DDR2: variants seen among roughly 807,000 people sequenced by gnomAD.
DDR2 encodes discoidin domain receptor tyrosine kinase 2, also known as discoidin domain-containing receptor 2.
DDR2 carries 27 observed loss-of-function variants against 94.9 expected under a neutral mutation model. The ratio of observed to expected loss-of-function variants is 0.28; its 90% confidence interval spans 0.21 to 0.39. DDR2 has a LOEUF of 0.39. DDR2 is among the 10% of genes least tolerant of loss of function. DDR2 has a pLI of 1.00. For missense variants in DDR2, 783 were observed against 1,076.0 expected (o/e 0.73, Z 3.81); for synonymous variants, 382 against 377.2 (o/e 1.01, Z -0.15).
intron 1 of DDR2, among the ~76,000 whole-genome samples, chr1:162,645,144 G>C (rs771192805): frequency 2.0e-4 from 31 of 152,200 alleles, no homozygotes; most frequent in Admixed American, 4.6e-4. Context: ...ACTCATGCCT[G>C]GTGAACAGGC....
chr1:162,770,361 T>C lies in DDR2; in HGVS notation c.1353T>C (p.Ser451=), dbSNP rs759110059. The change falls in exon 12 of 18, where the codon TCT becomes TCC. Residue 451 remains serine, a synonymous_variant. Transcript: ENST00000367921. ...TCAGCCTTTCCCTGCCAAGTGATTC[T>C]AGCATGTTCAACAATAACCGCTCCT... ...MTVSLSLPSD[S]SMFNNNRSSS... 6.2e-7 allele frequency: 1 copy of C among 1,614,018 alleles called. No individual in the cohort carries two copies. The highest frequency in any genetic ancestry group is 1.1e-5 in the South Asian group (1 of 91,078).
rs540292700 is a variant in DDR2 at position 162,741,636 on chromosome 1, T to C, written c.83-11459T>C. The C allele has an allele frequency of 1.5e-5, 15 of 985,374 alleles. No individual in the cohort carries two copies. The East Asian group carries it at 5.7e-4, about 37-fold the overall frequency. The allele number at this position is 985,374 out of a possible 1,614,324, so 61.0% of individuals were successfully genotyped here. On this transcript the variant is annotated intron_variant, in intron 3 of 17. Transcript: ENST00000367921. ...GGACTACAGTCAAAAGATCCAGGAATGCCTGCCTTGGACAGCTAGATCTTC... is the reference window on the plus strand; with the variant it reads ...GGACTACAGTCAAAAGATCCAGGAACGCCTGCCTTGGACAGCTAGATCTTC...
intron 3 of DDR2, among the ~76,000 whole-genome samples, chr1:162,746,506 C>G (rs1038826169): frequency 6.6e-6 from 1 of 152,214 alleles, no homozygotes; most frequent in African/African-American, 2.4e-5. Context: ...ACAGCTCAAC[C>G]AGGCCTGCCT....
intron 2 of DDR2, among the ~76,000 whole-genome samples, chr1:162,667,930 G>T (rs569112271): frequency 1.3e-5 from 2 of 152,152 alleles, no homozygotes; most frequent in African/African-American, 4.8e-5. Context: ...TGGAGACCAA[G>T]AATTATTACT....
At chr1:162,696,661 G>T (rs557002063) in intron 2 of DDR2, among the ~76,000 whole-genome samples, 1 of 152,014 alleles carries the variant, frequency 6.6e-6, no homozygotes, top group South Asian at 2.1e-4. Context: ...AGCCCCAAAT[G>T]CAACTGACAG....
At chr1:162,726,185 C>T (rs1238395627) in intron 3 of DDR2, among the ~76,000 whole-genome samples, 1 of 152,198 alleles carries the variant, frequency 6.6e-6, no homozygotes, top group Non-Finnish European at 1.5e-5. Flanking sequence ...GAACTTCTGT[C>T]CTCTTCCTCA....
rs1483865995 is a variant in DDR2, at chr1:162,770,290, C to A, written c.1294-12C>A. On this transcript the variant is annotated splice_polypyrimidine_tract_variant and intron_variant, in intron 11 of 17. Coordinates refer to ENST00000367921, the MANE Select transcript of DDR2 (RefSeq NM_006182.4). Reference sequence around the variant, plus strand: ...GTGCCAACATGCCTTTCTCCTTGCTCTTCTCTTCCAGGCTTCTCGGAGGAT... The same window carrying A: ...GTGCCAACATGCCTTTCTCCTTGCTATTCTCTTCCAGGCTTCTCGGAGGAT... 6 of 1,613,640 alleles carry A rather than the reference C, an allele frequency of 3.7e-6. No homozygotes were observed. Among genetic ancestry groups the A allele is most frequent in the Non-Finnish European group, 5.1e-6 (6 of 1,179,928 alleles).
chr1:162,644,861 G>A (rs1032824945), intron 1 of DDR2, among the ~76,000 whole-genome samples: 12 of 152,270 alleles, frequency 7.9e-5, no homozygotes, highest in African/African-American at 2.9e-4. Context: ...CTCCCAAAGT[G>A]CTGGGATTAC....
intron 2 of DDR2, among the ~76,000 whole-genome samples, chr1:162,688,835 G>T (rs758424020): frequency 2.8e-4 from 43 of 152,170 alleles, no homozygotes; most frequent in Non-Finnish European, 1.0e-4. Flanking sequence ...TCAGCTCCCA[G>T]TGTGTCCCTT....
intron 9 of DDR2, 25 bp from the exon 10 acceptor site, chr1:162,765,976 C>G (rs749584714): frequency 1.2e-6 from 2 of 1,613,578 alleles, no homozygotes; most frequent in African/African-American, 1.3e-5. Flanking sequence ...CTCCCTGGCT[C>G]TGACTCACCC....
chr1:162,665,550 A>G (rs185235442), intron 2 of DDR2, among the ~76,000 whole-genome samples: 27 of 128,294 alleles, frequency 2.1e-4, no homozygotes, highest in African/African-American at 3.6e-4. Context: ...ATTAACAGGG[A>G]CTTGCATGTA....
intron 2 of DDR2, among the ~76,000 whole-genome samples, chr1:162,670,469 T>C (rs1450454736): frequency 6.6e-6 from 1 of 152,186 alleles, no homozygotes; most frequent in African/African-American, 2.4e-5. Flanking sequence ...CCTAGGATGA[T>C]CTTCCTCACG....
At chr1:162,752,248 C>G (rs1663249511) in intron 3 of DDR2, among the ~76,000 whole-genome samples, 1 of 152,156 alleles carries the variant, frequency 6.6e-6, no homozygotes, top group African/African-American at 2.4e-5. Flanking sequence ...TCCTGAGACT[C>G]TAGCTTCCTT....
At chr1:162,772,368 T>C in intron 13 of DDR2, 121 bp downstream of exon 13, 1 of 1,051,988 alleles carries the variant, frequency 9.5e-7, no homozygotes, top group Non-Finnish European at 1.4e-6. Flanking sequence ...CATTTGTCTC[T>C]CCTTGCATTG....
In DDR2 at chr1:162,658,662, C is replaced by T. The variant is rs866600078; in HGVS notation, c.-28+3288C>T. The stretch of plus-strand genomic sequence containing the variant: ...GCAACGTGGCAAGACCTTGTCTGTA[C>T]AAAAAAAAAAAAAAAAAATGCCAGG... On this transcript the variant is annotated intron_variant, in intron 2 of 17. Transcript: ENST00000367921. Among the ~76,000 whole-genome samples, 3 of 61,096 alleles carry T rather than the reference C, an allele frequency of 4.9e-5. No individual in the cohort carries two copies. The East Asian group carries it at 1.9e-3, about 40-fold the overall frequency. 40.1% of individuals were successfully genotyped at this position (61,096 alleles called of 152,430 possible). A position where few individuals can be genotyped will look rare whatever the true frequency, so the allele number is the denominator to read the frequency against.
At position 162,648,715 on chromosome 1, in the gene DDR2, A is replaced by C. The variant is rs545690769; in HGVS notation, c.-191-6496A>C. On this transcript the variant is annotated intron_variant, in intron 1 of 17. Transcript: ENST00000367921. ...GGTTTAGACCAGGGTGGTGGAGTGCAGAAAGAAAAGCCAGAGGGATGTGGA... is the reference window on the plus strand; with the variant it reads ...GGTTTAGACCAGGGTGGTGGAGTGCCGAAAGAAAAGCCAGAGGGATGTGGA... Among the ~76,000 whole-genome samples the C allele has an allele frequency of 4.6e-5, 7 of 152,330 alleles. No homozygotes were observed. In the East Asian group the frequency reaches 1.4e-3, roughly 29 times the overall value.
At chr1:162,674,350 G>A (rs1659026865) in intron 2 of DDR2, among the ~76,000 whole-genome samples, 5 of 152,100 alleles carry the variant, frequency 3.3e-5, no homozygotes, top group African/African-American at 9.7e-5. Flanking sequence ...CAAAAGGGGT[G>A]GTCTGCTCTC....
At chr1:162,706,027 G>T (rs1660646455) in intron 2 of DDR2, among the ~76,000 whole-genome samples, 1 of 152,160 alleles carries the variant, frequency 6.6e-6, no homozygotes, top group African/African-American at 2.4e-5. Flanking sequence ...GTCACTAAAT[G>T]GTTATCTGCT....
chr1:162,773,696 A>G (rs1292228211), intron 14 of DDR2, 100 bp downstream of exon 14: 1 of 1,508,966 alleles, frequency 6.6e-7, no homozygotes, highest in Non-Finnish European at 9.1e-7. Flanking sequence ...TGAGATGGGA[A>G]GGTCAGTGAG....
Sources: allele counts gnomAD v4.1 joint callset (sites outside exome capture counted in the v4.1 genomes callset), GRCh38; gene constraint gnomAD v4.1.1; transcripts MANE v1.5; gene names NCBI Gene and HGNC (gene_info 2026-07-23, HGNC 2026-07-21).